SLC9A9: variants seen among roughly 807,000 people sequenced by gnomAD.
SLC9A9 encodes sodium/hydrogen exchanger 9.
Under a neutral mutation model 77.8 loss-of-function variants are expected in SLC9A9, and 62 were observed. The observed-to-expected ratio is 0.80, with a 90% CI of 0.65 to 0.98. The LOEUF (loss-of-function observed/expected upper bound fraction) is 0.98, where lower values mean the gene tolerates loss of function less well. Ranked by LOEUF, SLC9A9 falls within the 50% of genes least tolerant of loss-of-function variation. SLC9A9 has a pLI of 0.00. For missense variants in SLC9A9, 775 were observed against 774.9 expected, an observed-to-expected ratio of 1.00 and a Z score of 0.00; for synonymous variants, 320 against 283.5, an observed-to-expected ratio of 1.13 and a Z score of -1.29.
At chr3:143,579,050 T>G (rs1258489350) in intron 6 of SLC9A9, among the ~76,000 whole-genome samples, 1 of 152,228 alleles carries the variant, frequency 6.6e-6, no homozygotes, top group Non-Finnish European at 1.5e-5. Context: ...GATAGATAAC[T>G]GTGAATTATT....
chr3:143,710,809 C>T (rs1271696498), intron 4 of SLC9A9, among the ~76,000 whole-genome samples: 2 of 152,142 alleles, frequency 1.3e-5, no homozygotes, highest in Admixed American at 6.5e-5. Context: ...ATTTTCCATC[C>T]CTTTTCATAT....
chr3:143,517,901 A>G (rs888560515), intron 9 of SLC9A9: 5 of 1,528,654 alleles, frequency 3.3e-6, no homozygotes, highest in Admixed American at 1.7e-5. Context: ...CTGATCCATC[A>G]TCTCCTCCGT....
chr3:143,331,895 G>A (rs1002346745), intron 14 of SLC9A9, among the ~76,000 whole-genome samples: 1 of 152,154 alleles, frequency 6.6e-6, no homozygotes, highest in Admixed American at 6.5e-5. Flanking sequence ...TATATTTGGG[G>A]CAGTCAGGAA....
At chr3:143,629,168 A>C (rs1355918958) in intron 6 of SLC9A9, among the ~76,000 whole-genome samples, 1 of 152,186 alleles carries the variant, frequency 6.6e-6, no homozygotes, top group Non-Finnish European at 1.5e-5. Context: ...GGAACCACTA[A>C]ATAAATAAAT....
chr3:143,785,540 A>G (rs1266745770), intron 4 of SLC9A9, among the ~76,000 whole-genome samples: 1 of 152,232 alleles, frequency 6.6e-6, no homozygotes, highest in Non-Finnish European at 1.5e-5. Flanking sequence ...AGCTGAGCCC[A>G]GCCTAAATTG....
intron 13 of SLC9A9, among the ~76,000 whole-genome samples, chr3:143,372,916 C>T (rs911997798): frequency 3.3e-5 from 5 of 152,268 alleles, no homozygotes; most frequent in African/African-American, 1.2e-4. Context: ...TACTACTTTA[C>T]TCCTGCAAGA....
At chr3:143,303,294 GAAA>G in intron 14 of SLC9A9, among the ~76,000 whole-genome samples, 1 of 152,182 alleles carries the variant, frequency 6.6e-6, no homozygotes, top group Non-Finnish European at 1.5e-5. Flanking sequence ...GTTTCAAATA[GAAA>G]GTGATATCTG....
intron 14 of SLC9A9, chr3:143,313,131 C>T (rs1336824179): frequency 6.6e-6 from 1 of 152,148 alleles, no homozygotes; most frequent in African/African-American, 2.4e-5. Flanking sequence ...CCACTCATAC[C>T]ATCAAATTAA....
At chr3:143,459,936 C>T (rs1436088051) in intron 12 of SLC9A9, among the ~76,000 whole-genome samples, 4 of 152,080 alleles carry the variant, frequency 2.6e-5, no homozygotes, top group Non-Finnish European at 5.9e-5. Flanking sequence ...ATTTTAGCTG[C>T]CTTTGTAACT....
intron 6 of SLC9A9, among the ~76,000 whole-genome samples, chr3:143,628,618 A>C (rs961058519): frequency 6.6e-6 from 1 of 152,198 alleles, no homozygotes; most frequent in Non-Finnish European, 1.5e-5. Flanking sequence ...CACTCACTCT[A>C]TCATATTTAA....
intron 9 of SLC9A9, among the ~76,000 whole-genome samples, chr3:143,507,687 G>A (rs962988703): frequency 3.9e-5 from 6 of 152,192 alleles, no homozygotes; most frequent in Admixed American, 3.9e-4. Context: ...ACTCTTAGGT[G>A]GGAGTATGAA....
At chr3:143,841,481 T>C (rs1039686093) in intron 1 of SLC9A9, among the ~76,000 whole-genome samples, 1 of 152,234 alleles carries the variant, frequency 6.6e-6, no homozygotes, top group African/African-American at 2.4e-5. Context: ...CTTTTTGACA[T>C]AATAGATGTT....
In SLC9A9 at chr3:143,603,834, G is replaced by A. The variant is rs145944439; in HGVS notation, c.756-25111C>T. On this transcript the variant is annotated intron_variant, in intron 6 of 15. Coordinates refer to ENST00000316549, the MANE Select transcript of SLC9A9 (RefSeq NM_173653.4). ...GATCACCAGAAACAACCTGACGTGA[G>A]TATTTTAGCAGTGGCTTTATTCAGT... Among the ~76,000 whole-genome samples the A allele has an allele frequency of 9.1e-4, 138 of 152,334 alleles. 1 individual carries two copies. Among genetic ancestry groups the A allele is most frequent in the African/African-American group, 3.1e-3 (129 of 41,572 alleles).
chr3:143,538,790 G>A (rs1419603194), intron 9 of SLC9A9, among the ~76,000 whole-genome samples: 1 of 152,174 alleles, frequency 6.6e-6, no homozygotes, highest in Non-Finnish European at 1.5e-5. Flanking sequence ...AATTGTCCTG[G>A]AAACCCCAAA....
chr3:143,530,636 T>C (rs2036491190), intron 9 of SLC9A9, among the ~76,000 whole-genome samples: 1 of 148,354 alleles, frequency 6.7e-6, no homozygotes, highest in African/African-American at 2.5e-5. Context: ...ATCAGAAATC[T>C]GAAAAACAAA....
At chr3:143,356,587 C>T (rs1262731585) in intron 14 of SLC9A9, among the ~76,000 whole-genome samples, 1 of 152,164 alleles carries the variant, frequency 6.6e-6, no homozygotes, top group Non-Finnish European at 1.5e-5. Flanking sequence ...GTGGCAAAAT[C>T]ATAGCTCATT....
At chr3:143,716,919 C>A (rs540163810) in intron 4 of SLC9A9, among the ~76,000 whole-genome samples, 7 of 152,182 alleles carry the variant, frequency 4.6e-5, no homozygotes, top group African/African-American at 1.4e-4. Context: ...TGTTCACTGA[C>A]CACAACTCGT....
chr3:143,707,904 A>T (rs1306625144), intron 4 of SLC9A9, among the ~76,000 whole-genome samples: 3 of 152,150 alleles, frequency 2.0e-5, no homozygotes, highest in Non-Finnish European at 1.5e-5. Context: ...TTTCCCACAC[A>T]TTCTGCTGCC....
intron 5 of SLC9A9, among the ~76,000 whole-genome samples, chr3:143,689,887 T>C (rs951141612): frequency 3.9e-5 from 6 of 152,092 alleles, no homozygotes; most frequent in African/African-American, 1.4e-4. Flanking sequence ...ACTGAAAATT[T>C]AGGGTAAAGG....
Sources: gnomAD v4.1 joint callset for allele counts (sites outside exome capture counted in the v4.1 genomes callset) on GRCh38, gnomAD v4.1.1 for gene constraint, MANE v1.5 for transcripts, NCBI Gene and HGNC (gene_info 2026-07-23, HGNC 2026-07-21) for gene names.